Variants in BAZ2B observed in about 807,000 individuals in gnomAD.
The protein encoded by BAZ2B is bromodomain adjacent to zinc finger domain 2B, also known as bromodomain adjacent to zinc finger domain protein 2B.
BAZ2B carries 91 observed loss-of-function variants against 246.0 expected under a neutral mutation model. That is an observed-to-expected ratio of 0.37 (90% CI 0.31 to 0.44). The LOEUF is 0.44. Among genes scored for constraint, BAZ2B ranks in the 20% least tolerant of loss-of-function variants. The pLI, the probability that BAZ2B is intolerant of heterozygous loss-of-function variation, is 1.00. For missense variants in BAZ2B, 2,332 were observed against 2,533.7 expected (o/e 0.92, Z 1.71); for synonymous variants, 855 against 860.0 (o/e 0.99, Z 0.10).
intron 1 of BAZ2B, among the ~76,000 whole-genome samples, chr2:159,562,169 G>C (rs2089939261): frequency 6.6e-6 from 1 of 152,090 alleles, no homozygotes; most frequent in Non-Finnish European, 1.5e-5. Flanking sequence ...TTCTTCATTT[G>C]CATCACTTGT....
chr2:159,680,486 G>A, the BAZ2B span, among the ~76,000 whole-genome samples: 1 of 152,122 alleles, frequency 6.6e-6, no homozygotes, highest in South Asian at 2.1e-4. Context: ...GGTACAATCA[G>A]GTTCAAAGTC....
chr2:159,455,318 T>C (rs915352133), intron 3 of BAZ2B, among the ~76,000 whole-genome samples: 2 of 152,158 alleles, frequency 1.3e-5, no homozygotes, highest in African/African-American at 4.8e-5. Context: ...TAAAGTCTGA[T>C]ATAAAACCTA....
At chr2:159,686,903 A>G in the BAZ2B span, among the ~76,000 whole-genome samples, 31 of 151,922 alleles carry the variant, frequency 2.0e-4, no homozygotes, top group South Asian at 4.2e-4. Context: ...TTAGCTGGGC[A>G]TGGTGGCGGG....
the BAZ2B span, among the ~76,000 whole-genome samples, chr2:159,636,355 A>G: frequency 1.9e-4 from 29 of 152,272 alleles, no homozygotes; most frequent in East Asian, 3.5e-3. Context: ...AGAAACTCTC[A>G]CCACTGTGGG....
At chr2:159,613,252 A>G (rs1695076593) in intron 1 of BAZ2B, among the ~76,000 whole-genome samples, 1 of 152,144 alleles carries the variant, frequency 6.6e-6, no homozygotes, top group African/African-American at 2.4e-5. Flanking sequence ...CCAAGACTGA[A>G]GAGTTTAGAA....
At chr2:159,658,083 T>A in the BAZ2B span, among the ~76,000 whole-genome samples, 179 of 152,348 alleles carry the variant, frequency 1.2e-3, no homozygotes, top group African/African-American at 3.8e-3. Context: ...ATGTCTTTTA[T>A]CAACTTGAGG....
intron 31 of BAZ2B, among the ~76,000 whole-genome samples, chr2:159,339,733 A>C (rs2066298672): frequency 5.3e-5 from 8 of 152,232 alleles, no homozygotes; most frequent in Admixed American, 4.6e-4. Context: ...AATATTATTC[A>C]GTCATAAAGA....
chr2:159,351,705 T>C (rs1329673733), intron 27 of BAZ2B, among the ~76,000 whole-genome samples: 1 of 152,234 alleles, frequency 6.6e-6, no homozygotes, highest in African/African-American at 2.4e-5. Flanking sequence ...AGGCTGAATA[T>C]CTTTTCATAG....
At chr2:159,582,849 A>G (rs535007743) in intron 1 of BAZ2B, among the ~76,000 whole-genome samples, 2 of 152,228 alleles carry the variant, frequency 1.3e-5, no homozygotes, top group Non-Finnish European at 2.9e-5. Context: ...ATACACTGGG[A>G]ACACTTAAAT....
intron 1 of BAZ2B, among the ~76,000 whole-genome samples, chr2:159,560,117 A>G (rs916868745): frequency 1.3e-5 from 2 of 152,182 alleles, no homozygotes; most frequent in Non-Finnish European, 2.9e-5. Context: ...CAATTTTAAC[A>G]TACTCATGTC....
chr2:159,354,143 T>C (rs2149204086), intron 27 of BAZ2B, among the ~76,000 whole-genome samples: 1 of 152,274 alleles, frequency 6.6e-6, no homozygotes, highest in Admixed American at 6.5e-5. Context: ...AGTACTAATA[T>C]TTGTATTCTG....
the BAZ2B span, among the ~76,000 whole-genome samples, chr2:159,711,516 T>A: frequency 6.6e-6 from 1 of 152,234 alleles, no homozygotes; most frequent in South Asian, 2.1e-4. Context: ...TTGGAATTAT[T>A]TGGATCCAAA....
chr2:159,431,334 C>A (rs2071076437), intron 9 of BAZ2B, among the ~76,000 whole-genome samples, 178 bp from the exon 10 acceptor site: 1 of 152,176 alleles, frequency 6.6e-6, no homozygotes, highest in African/African-American at 2.4e-5. Flanking sequence ...GGCTATCAAT[C>A]TTCAAAAACA....
At chr2:159,518,849 G>T (rs1293344546) in intron 2 of BAZ2B, among the ~76,000 whole-genome samples, 1 of 152,118 alleles carries the variant, frequency 6.6e-6, no homozygotes, top group Non-Finnish European at 1.5e-5. Flanking sequence ...TGGGAAACAA[G>T]ATCAAATTAC....
At chr2:159,492,103 C>T (rs1460400366) in intron 2 of BAZ2B, among the ~76,000 whole-genome samples, 1 of 152,190 alleles carries the variant, frequency 6.6e-6, no homozygotes, top group African/African-American at 2.4e-5. Flanking sequence ...AACTTACTTT[C>T]TCTGTATTTC....
chr2:159,423,403 T>G (rs1262814059), intron 13 of BAZ2B, among the ~76,000 whole-genome samples: 1 of 152,184 alleles, frequency 6.6e-6, no homozygotes, highest in African/African-American at 2.4e-5. Context: ...GGGAACACTT[T>G]ATACACTGCT....
intron 1 of BAZ2B, among the ~76,000 whole-genome samples, chr2:159,576,853 C>T (rs1255342519): frequency 2.4e-5 from 3 of 126,696 alleles, no homozygotes; most frequent in Non-Finnish European, 3.1e-5. Context: ...GCAGAGGTTG[C>T]GGTGAGCCGA....
intron 1 of BAZ2B, among the ~76,000 whole-genome samples, chr2:159,584,517 G>C (rs889127550): frequency 6.6e-6 from 1 of 152,188 alleles, no homozygotes; most frequent in Non-Finnish European, 1.5e-5. Flanking sequence ...AAATATCCAA[G>C]AAATGATTGT....
upstream of BAZ2B, among the ~76,000 whole-genome samples, chr2:159,620,505 G>T (rs1696388233): frequency 1.3e-5 from 2 of 152,126 alleles, no homozygotes; most frequent in South Asian, 4.1e-4. Flanking sequence ...AGTTTTGTGA[G>T]AATAAAGAGG....
Sources: allele counts gnomAD v4.1 joint callset (sites outside exome capture counted in the v4.1 genomes callset), GRCh38; gene constraint gnomAD v4.1.1; transcripts MANE v1.5; gene names NCBI Gene and HGNC (gene_info 2026-07-23, HGNC 2026-07-21).